The following PTP4A3 variants were observed in gnomAD, a reference collection of about 807,000 sequenced individuals.
PTP4A3 encodes protein tyrosine phosphatase type IVA 3.
A neutral mutation model predicts 15.2 loss-of-function variants in PTP4A3; 9 were observed. The ratio of observed to expected loss-of-function variants is 0.59; its 90% confidence interval spans 0.36 to 1.03. The LOEUF (loss-of-function observed/expected upper bound fraction) is 1.03, where lower values mean the gene tolerates loss of function less well. PTP4A3 is among the 50% of genes least tolerant of loss of function. The probability of loss-of-function intolerance (pLI) is 0.02; values close to 1 mark genes in which losing one functional copy is unlikely to be tolerated. For missense variants in PTP4A3, 234 were observed against 252.1 expected, an observed-to-expected ratio of 0.93 and a Z score of 0.49; for synonymous variants, 95 against 102.0, an observed-to-expected ratio of 0.93 and a Z score of 0.41.
At chr8:141,392,923 A>G (rs887228071) in intron 1 of PTP4A3, among the ~76,000 whole-genome samples, 1 of 148,586 alleles carries the variant, frequency 6.7e-6, no homozygotes, top group Non-Finnish European at 1.5e-5. Context: ...CAAGACAGAA[A>G]GGCACGTGCT....
intron 1 of PTP4A3, among the ~76,000 whole-genome samples, chr8:141,411,354 T>C (rs1832863451): frequency 6.6e-6 from 1 of 152,154 alleles, no homozygotes; most frequent in Non-Finnish European, 1.5e-5. Flanking sequence ...GGAAAGGCCA[T>C]CAGCACTGGT....
chr8:141,396,573 A>G (rs978957782), intron 1 of PTP4A3, among the ~76,000 whole-genome samples: 1 of 152,148 alleles, frequency 6.6e-6, no homozygotes, highest in African/African-American at 2.4e-5. Context: ...GGAACAGGAC[A>G]GTCCCGAGCC....
chr8:141,414,689 G>A (rs1832970458), intron 1 of PTP4A3, among the ~76,000 whole-genome samples: 1 of 151,686 alleles, frequency 6.6e-6, no homozygotes, highest in Non-Finnish European at 1.5e-5. Context: ...TAGGCAGGGG[G>A]TGGTGAGTTA....
chr8:141,399,328 T>C (rs1482717634), intron 1 of PTP4A3, among the ~76,000 whole-genome samples: 3 of 152,232 alleles, frequency 2.0e-5, no homozygotes, highest in Non-Finnish European at 4.4e-5. Flanking sequence ...CTCCCCGTCC[T>C]GGGTCAGCCG....
At chr8:141,427,608 C>T (rs1352738434) in intron 4 of PTP4A3, 142 bp from the exon 5 acceptor site, 1 of 675,380 alleles carries the variant, frequency 1.5e-6, no homozygotes, top group Non-Finnish European at 2.5e-6. Context: ...GGCTGTGAGG[C>T]TGTGGCCTCC....
At chr8:141,402,624 TGCCCCC>T (rs1832621405) in intron 1 of PTP4A3, among the ~76,000 whole-genome samples, 1 of 152,164 alleles carries the variant, frequency 6.6e-6, no homozygotes, top group Non-Finnish European at 1.5e-5. Context: ...CAGGCAGCCC[TGCCCCC>T]GCCCACATGG....
intron 5 of PTP4A3, 148 bp from the exon 6 acceptor site, chr8:141,430,779 C>T (rs1586575301): frequency 1.0e-5 from 7 of 699,248 alleles, no homozygotes; most frequent in Middle Eastern, 2.8e-4. Context: ...TGGGAGCAGC[C>T]GTGCCAAGGC....
chr8:141,428,083 C>T (rs1221102192), intron 5 of PTP4A3, among the ~76,000 whole-genome samples: 2 of 152,004 alleles, frequency 1.3e-5, no homozygotes, highest in Non-Finnish European at 2.9e-5. Context: ...CCTCCACAGA[C>T]AGAGCTCCTT....
In PTP4A3 at chr8:141,430,848, A is replaced by G. The variant is rs1833839683; in HGVS notation, c.405-79A>G. 4.2e-6 allele frequency: 6 copies of G among 1,417,242 alleles called. No individual in the cohort carries two copies. The South Asian group carries it at 7.0e-5, about 16-fold the overall frequency. 87.8% of individuals were successfully genotyped at this position (1,417,242 alleles called of 1,614,324 possible). A position where few individuals can be genotyped will look rare whatever the true frequency, so the allele number is the denominator to read the frequency against. ...CCTTACTCCAGCCCACTGCACTCTC[A>G]GATTCCAGCTCCCTGGGGCAGGTGA... is the stretch of plus-strand genomic sequence containing the variant. On this transcript the variant is annotated intron_variant, in intron 5 of 5. Coordinates refer to ENST00000521578, the MANE Select transcript of PTP4A3 (RefSeq NM_032611.3).
At chr8:141,412,139 C>G (rs1279144603) in intron 1 of PTP4A3, among the ~76,000 whole-genome samples, 1 of 152,204 alleles carries the variant, frequency 6.6e-6, no homozygotes, top group Non-Finnish European at 1.5e-5. Flanking sequence ...GGGGGTGCTG[C>G]GCTGGGCAGT....
Position 141,425,041 on chromosome 8 carries a change from C to A in PTP4A3, c.106-7C>A. 1 of 1,611,216 alleles carries A rather than the reference C, an allele frequency of 6.2e-7. No individual in the cohort carries two copies. The highest frequency in any genetic ancestry group is 8.5e-7 in the Non-Finnish European group (1 of 1,178,424). On this transcript the variant is annotated splice_region_variant and splice_polypyrimidine_tract_variant and intron_variant, in intron 2 of 5. Coordinates refer to ENST00000521578, the MANE Select transcript of PTP4A3 (RefSeq NM_032611.3). The surrounding 1 kb of genome is among the most constrained non-coding windows in gnomAD (Gnocchi z 4.2). ...CAGCCCTGCCTCCTCCGTCCTCCCA[C>A]CCCCAGGACCTGAAGAAGTACGGGG...
chr8:141,430,908 C>G lies in PTP4A3; in HGVS notation c.405-19C>G, dbSNP rs1833843164. 13 of 1,611,210 alleles carry G rather than the reference C, an allele frequency of 8.1e-6. No individual in the cohort carries two copies. Among genetic ancestry groups the G allele is most frequent in the Non-Finnish European group, 1.0e-5 (12 of 1,178,370 alleles). ...GCCAGGTCCTTGGATGATCTCTGTT[C>G]CTGTTCCCCTCTTCCCAGGAAGCGC... On this transcript the variant is annotated intron_variant, in intron 5 of 5. Transcript: ENST00000521578.
chr8:141,395,370 G>T (rs928727690), intron 1 of PTP4A3, among the ~76,000 whole-genome samples: 1 of 152,224 alleles, frequency 6.6e-6, no homozygotes, highest in Non-Finnish European at 1.5e-5. Flanking sequence ...CCTAGGTGGG[G>T]CATCGCTTCC....
chr8:141,426,953 C>A lies in PTP4A3; in HGVS notation c.213C>A (p.Asp71Glu). The change falls in exon 4 of 6, where the codon GAC (aspartate) becomes GAA (glutamate). Residue 71 changes from aspartate to glutamate, a missense_variant. By Grantham distance (45) the Asp-to-Glu change is conservative (BLOSUM62 2). Transcript: ENST00000521578. ...DGITVVDWPF[D>E]DGAPPPGKVV... ...TCCCTCCGTAGGACTGGCCGTTTGA[C>A]GATGGGGCGCCCCCGCCCGGCAAGG... The A allele has an allele frequency of 6.2e-7, 1 of 1,611,048 alleles. No individual in the cohort carries two copies.
At chr8:141,398,663 C>T (rs1314503101) in intron 1 of PTP4A3, among the ~76,000 whole-genome samples, 2 of 152,032 alleles carry the variant, frequency 1.3e-5, no homozygotes, top group Admixed American at 6.5e-5. Context: ...TGAAGACCCC[C>T]GGATGAGGGT....
At chr8:141,405,503 C>T (rs569067134) in intron 1 of PTP4A3, among the ~76,000 whole-genome samples, 9 of 152,326 alleles carry the variant, frequency 5.9e-5, no homozygotes, top group East Asian at 1.9e-4. Context: ...GGAATGGCTG[C>T]GGGCGGGTCT....
intron 1 of PTP4A3, among the ~76,000 whole-genome samples, chr8:141,416,605 G>T (rs1331894336): frequency 6.6e-6 from 1 of 152,142 alleles, no homozygotes; most frequent in Non-Finnish European, 1.5e-5. Flanking sequence ...GTGCACCCAC[G>T]TGGGTGGGTG....
chr8:141,413,019 C>T (rs1056245616), intron 1 of PTP4A3, among the ~76,000 whole-genome samples: 5 of 152,198 alleles, frequency 3.3e-5, no homozygotes, highest in African/African-American at 1.2e-4. Flanking sequence ...TGGGCAGCCT[C>T]CTCCGGCCAG....
Position 141,422,016 on chromosome 8 carries a change from T to C in PTP4A3, c.-225T>C, listed in dbSNP as rs1053839135. The C allele has an allele frequency of 2.2e-5, 11 of 503,950 alleles. No individual in the cohort carries two copies. The highest frequency in any genetic ancestry group is 4.0e-5 in the African/African-American group (2 of 50,032). The allele number at this position is 503,950 out of a possible 1,614,324, so 31.2% of individuals were successfully genotyped here. A position where few individuals can be genotyped will look rare whatever the true frequency, so the allele number is the denominator to read the frequency against. ...CCTTTTCTTTTTTAAGAGTTGGGTT[T>C]TCTTTTTTAATTATCCAAACAGTGG... is the stretch of plus-strand genomic sequence containing the variant. On this transcript the variant is annotated 5_prime_UTR_variant, in exon 2 of 6. Transcript: ENST00000521578.
Sources: allele counts gnomAD v4.1 joint callset (sites outside exome capture counted in the v4.1 genomes callset), GRCh38; gene constraint gnomAD v4.1.1; non-coding constraint Gnocchi (gnomAD v3.1); transcripts MANE v1.5; gene names NCBI Gene and HGNC (gene_info 2026-07-23, HGNC 2026-07-21).